Variants in TLDC2 observed in about 807,000 individuals in gnomAD.
The protein encoded by TLDC2 is TLD domain-containing protein 2.
In TLDC2, 23 loss-of-function variants were observed where a neutral mutation model predicts 27.9. The observed-to-expected ratio is 0.82, with a 90% confidence interval of 0.59 to 1.17. The LOEUF (loss-of-function observed/expected upper bound fraction) is 1.17, where lower values mean the gene tolerates loss of function less well. Among genes scored for constraint, TLDC2 ranks in the 50% most tolerant of loss-of-function variants. The pLI, the probability that TLDC2 is intolerant of heterozygous loss-of-function variation, is 0.00. For synonymous variants in TLDC2, 124 were observed against 107.4 expected, an observed-to-expected ratio of 1.16 and a Z score of -0.96; for missense variants, 286 against 273.4, an observed-to-expected ratio of 1.05 and a Z score of -0.32.
In TLDC2 at chr20:36,892,919, T is replaced by G; in HGVS notation, c.*75T>G. ...GCAGGAGAGGGAGTTTGTAAACAACTGACTACAGACATTCACATTGGGTCA... is the reference window on the plus strand; with the variant it reads ...GCAGGAGAGGGAGTTTGTAAACAACGGACTACAGACATTCACATTGGGTCA... On this transcript the variant is annotated 3_prime_UTR_variant, in exon 7 of 7. Transcript: ENST00000217320. The G allele has an allele frequency of 6.2e-7, 1 of 1,614,098 alleles. No individual in the cohort carries two copies. Among genetic ancestry groups the G allele is most frequent in the Admixed American group, 1.7e-5 (1 of 60,012 alleles).
intron 6 of TLDC2, 138 bp downstream of exon 6, chr20:36,889,541 T>C (rs1199916853): frequency 5.7e-6 from 6 of 1,047,142 alleles, no homozygotes; most frequent in African/African-American, 4.8e-5. Context: ...GGACCCAAGA[T>C]ACAGGTGGGG....
At position 36,880,638 on chromosome 20, in the gene TLDC2, C is replaced by T. The variant is rs1181141873; in HGVS notation, c.343-17C>T. The T allele has an allele frequency of 1.9e-6, 3 of 1,611,602 alleles. No individual in the cohort carries two copies. The highest frequency in any genetic ancestry group is 4.5e-5 in the East Asian group (2 of 44,882). On this transcript the variant is annotated splice_polypyrimidine_tract_variant and intron_variant, in intron 3 of 6. Coordinates refer to ENST00000217320, the MANE Select transcript of TLDC2 (RefSeq NM_080628.3). ...CTAGCTCCCTTCCAGCTGCAGACTA[C>T]AACTTCCACTTTCCAGATATTTGGA...
chr20:36,884,534 G>T (rs986046768), intron 4 of TLDC2, among the ~76,000 whole-genome samples: 1 of 151,906 alleles, frequency 6.6e-6, no homozygotes, highest in African/African-American at 2.4e-5. Context: ...CAAGGCAGGA[G>T]GATCACTTGA....
In TLDC2 at chr20:36,876,151, G is replaced by C; in HGVS notation, c.-24G>C. ...GGCTGAGGATTCACTCACTGCCCAC[G>C]GCCGGCTGAGCAGGGACAGGAGAAT... On this transcript the variant is annotated 5_prime_UTR_variant, in exon 1 of 7. Transcript: ENST00000217320. 1.2e-6 allele frequency: 2 copies of C among 1,614,074 alleles called. No homozygotes were observed. Among genetic ancestry groups the C allele is most frequent in the South Asian group, 2.2e-5 (2 of 91,088 alleles).
In TLDC2 at chr20:36,889,238, C is replaced by A. The variant is rs754335230; in HGVS notation, c.513-13C>A. On this transcript the variant is annotated splice_polypyrimidine_tract_variant and intron_variant, in intron 5 of 6. Transcript: ENST00000217320. Reference sequence around the variant, plus strand: ...AGGAGTGAGCCGCACCAAGACTGTCCTCTTCTCTCTAGTGGCCGGTTTGGG... The same window carrying A: ...AGGAGTGAGCCGCACCAAGACTGTCATCTTCTCTCTAGTGGCCGGTTTGGG... 20 of 1,613,854 alleles carry A rather than the reference C, an allele frequency of 1.2e-5. No individual in the cohort carries two copies. In the Middle Eastern group the frequency reaches 6.6e-4, roughly 53 times the overall value.
At chr20:36,887,762 T>C (rs1475437512) in intron 5 of TLDC2, among the ~76,000 whole-genome samples, 3 of 152,100 alleles carry the variant, frequency 2.0e-5, no homozygotes, top group African/African-American at 7.2e-5. Context: ...CTGGTGACAG[T>C]TTAGTCTGAA....
chr20:36,892,990 G>C lies in TLDC2; in HGVS notation c.*146G>C. ...GCTTTTGGATGCTTCTCGGAGGCGA[G>C]TTGGATTTTGGACTGAAGTACTGTC... is the stretch of plus-strand genomic sequence containing the variant. On this transcript the variant is annotated 3_prime_UTR_variant, in exon 7 of 7. Transcript: ENST00000217320. 1 of 1,614,070 alleles carries C rather than the reference G, an allele frequency of 6.2e-7. No homozygotes were observed. The highest frequency in any genetic ancestry group is 8.5e-7 in the Non-Finnish European group (1 of 1,180,038).
intron 3 of TLDC2, among the ~76,000 whole-genome samples, chr20:36,879,475 AG>A (rs774774969): frequency 1.1e-4 from 16 of 152,232 alleles, no homozygotes; most frequent in Non-Finnish European, 1.8e-4. Flanking sequence ...ATGGTCTAAT[AG>A]GGGAAGGGTC....
rs187621956 is a variant in TLDC2 at position 36,888,684 on chromosome 20, C to T, written c.513-567C>T. ...TCGCGCCATTGCACTCCAGGCTGGG[C>T]GACAGAGCAAGACTCCTATCAAAAA... On this transcript the variant is annotated intron_variant, in intron 5 of 6. Transcript: ENST00000217320. 2.8e-3 allele frequency among the ~76,000 whole-genome samples: 293 copies of T among 105,058 alleles called. 2 individuals carry two copies. The highest frequency in any genetic ancestry group is 0.011 in the Middle Eastern group (1 of 92). 68.9% of individuals were successfully genotyped at this position (105,058 alleles called of 152,430 possible). A position where few individuals can be genotyped will look rare whatever the true frequency, so the allele number is the denominator to read the frequency against.
At chr20:36,882,435 G>T (rs1370757078) in intron 4 of TLDC2, among the ~76,000 whole-genome samples, 1 of 152,094 alleles carries the variant, frequency 6.6e-6, no homozygotes, top group East Asian at 1.9e-4. Context: ...GCTCACAACT[G>T]TAATCCCAGC....
chr20:36,878,889 G>A (rs1989735043), intron 2 of TLDC2, 152 bp from the exon 3 acceptor site: 1 of 1,145,708 alleles, frequency 8.7e-7, no homozygotes, highest in South Asian at 1.4e-5. Flanking sequence ...GAGGGCTATG[G>A]CTGATGGCAT....
chr20:36,878,088 C>T, intron 2 of TLDC2, 34 bp downstream of exon 2: 1 of 1,591,874 alleles, frequency 6.3e-7, no homozygotes, highest in Non-Finnish European at 8.6e-7. Context: ...AGAATTTCAG[C>T]CCTAAACCTA....
At position 36,893,513 on chromosome 20, in the gene TLDC2, T is replaced by C. The variant is rs1990132085; in HGVS notation, c.*669T>C. On this transcript the variant is annotated 3_prime_UTR_variant, in exon 7 of 7. Transcript: ENST00000217320. The stretch of plus-strand genomic sequence containing the variant: ...AGTATGTACCTGCAGAATTTAAATT[T>C]TTCTCTGCATCAAAGCTCTAACGTT... The C allele has an allele frequency of 4.0e-6, 1 of 250,820 alleles. No individual in the cohort carries two copies. Among genetic ancestry groups the C allele is most frequent in the Non-Finnish European group, 7.6e-6 (1 of 132,374 alleles). The allele number at this position is 250,820 out of a possible 1,614,324, so 15.5% of individuals were successfully genotyped here. A position where few individuals can be genotyped will look rare whatever the true frequency, so the allele number is the denominator to read the frequency against.
At chr20:36,884,820 G>A (rs1239580226) in intron 4 of TLDC2, among the ~76,000 whole-genome samples, 2 of 150,280 alleles carry the variant, frequency 1.3e-5, no homozygotes, top group African/African-American at 4.9e-5. Context: ...CCAGCCCTAG[G>A]AAGCCCTTAG....
Position 36,893,187 on chromosome 20 carries a change from C to T in TLDC2, c.*343C>T, listed in dbSNP as rs1206577709. On this transcript the variant is annotated 3_prime_UTR_variant, in exon 7 of 7. Transcript: ENST00000217320. ...TGCATATAGATTGCTTCTAGCTGTC[C>T]TCAATCCAGGGAAACTCCAAATTAC... 1.0e-5 allele frequency: 13 copies of T among 1,270,540 alleles called. No individual in the cohort carries two copies. The highest frequency in any genetic ancestry group is 2.2e-6 in the Non-Finnish European group (2 of 894,080). The allele number at this position is 1,270,540 out of a possible 1,614,324, so 78.7% of individuals were successfully genotyped here. A position where few individuals can be genotyped will look rare whatever the true frequency, so the allele number is the denominator to read the frequency against.
chr20:36,887,346 C>T, intron 4 of TLDC2, 109 bp from the exon 5 acceptor site: 1 of 971,258 alleles, frequency 1.0e-6, no homozygotes, highest in Middle Eastern at 2.2e-4. Flanking sequence ...TCGGTTGGGG[C>T]CTGGATGCTG....
At position 36,889,368 on chromosome 20, in the gene TLDC2, G is replaced by A. The variant is rs752392838; in HGVS notation, c.630G>A (p.Glu210=). Residue 210 remains glutamate, a synonymous_variant, in exon 6 of 7, where the codon GAG becomes GAA. Transcript: ENST00000217320. ...RQEQFCIQEL[E]AWLLS ...AGCAGTTCTGCATCCAGGAGCTGGA[G>A]GCTTGGCTTCTCAGCTGACAGCCCT... 6.2e-7 allele frequency: 1 copy of A among 1,614,078 alleles called. No individual in the cohort carries two copies. The highest frequency in any genetic ancestry group is 1.7e-5 in the Admixed American group (1 of 60,014).
chr20:36,881,723 G>A (rs1009443567), intron 4 of TLDC2, among the ~76,000 whole-genome samples: 3 of 152,180 alleles, frequency 2.0e-5, no homozygotes, highest in Non-Finnish European at 4.4e-5. Flanking sequence ...TGGACCAGGA[G>A]GGGAGGGGAG....
At position 36,889,283 on chromosome 20, in the gene TLDC2, T is replaced by C. The variant is rs780941464; in HGVS notation, c.545T>C (p.Leu182Ser). Residue 182 changes from leucine to serine, a missense_variant, in exon 6 of 7, where the codon TTG (leucine) becomes TCG (serine). Leu to Ser is a moderately radical substitution (Grantham distance 145). Coordinates refer to ENST00000217320, the MANE Select transcript of TLDC2 (RefSeq NM_080628.3). ...TTTGGGCTGTGGTTGGATGGAGACTTGTTCCGCGGGGGAAGCTCCCCTTGC... is the reference window on the plus strand; with the variant it reads ...TTTGGGCTGTGGTTGGATGGAGACTCGTTCCGCGGGGGAAGCTCCCCTTGC... ...GRFGLWLDGD[L>S]FRGGSSPCPT... 4 of 1,614,040 alleles carry C rather than the reference T, an allele frequency of 2.5e-6. No homozygotes were observed. In the African/African-American group the frequency reaches 5.3e-5, roughly 22 times the overall value.
Sources: gnomAD v4.1 joint callset for allele counts (sites outside exome capture counted in the v4.1 genomes callset) on GRCh38, gnomAD v4.1.1 for gene constraint, MANE v1.5 for transcripts, NCBI Gene and HGNC (gene_info 2026-07-23, HGNC 2026-07-21) for gene names.